GRIN2B: variants seen among roughly 807,000 people sequenced by gnomAD.
The protein encoded by GRIN2B is glutamate ionotropic receptor NMDA type subunit 2B, also known as glutamate receptor ionotropic, NMDA 2B.
GRIN2B carries 5 observed loss-of-function variants against 114.5 expected under a neutral mutation model. The ratio of observed to expected loss-of-function variants is 0.04; its 90% confidence interval spans 0.02 to 0.09. The LOEUF (loss-of-function observed/expected upper bound fraction) is 0.09. Ranked by LOEUF, GRIN2B falls within the 10% of genes least tolerant of loss-of-function variation. The pLI is 1.00. For synonymous variants in GRIN2B, 787 were observed against 745.1 expected (o/e 1.06, Z -0.92); for missense variants, 1,108 against 1,943.5 (o/e 0.57, Z 8.08).
intron 5 of GRIN2B, among the ~76,000 whole-genome samples, chr12:13,652,231 G>A (rs1024786480): frequency 6.6e-6 from 1 of 151,546 alleles, no homozygotes; most frequent in African/African-American, 2.4e-5. Flanking sequence ...TCCTTCTCTG[G>A]CAAGCTTTTC....
chr12:13,721,987 C>T (rs1862892318), intron 4 of GRIN2B, among the ~76,000 whole-genome samples: 1 of 152,084 alleles, frequency 6.6e-6, no homozygotes, highest in Admixed American at 6.6e-5. Context: ...AGGAATCTGT[C>T]ATTTCATCGA....
chr12:13,975,463 G>A (rs1413856119), intron 2 of GRIN2B, among the ~76,000 whole-genome samples: 1 of 152,184 alleles, frequency 6.6e-6, no homozygotes, highest in African/African-American at 2.4e-5. Flanking sequence ...ACAACCTTAG[G>A]AAAATCACTT....
In GRIN2B at chr12:13,576,144, G is replaced by GT. The variant is rs3216539; in HGVS notation, c.2011-4181dup. On this transcript the variant is annotated intron_variant, in intron 10 of 13. Transcript: ENST00000609686. ...GTCCCAGCCTGGTGAGATCTGTGAA[G>GT]TTTACATAAAACAGAGATTTTTTAT... 1.8e-4 allele frequency among the ~76,000 whole-genome samples: 28 copies of GT among 152,196 alleles called. No homozygotes were observed. The East Asian group carries it at 5.0e-3, about 27-fold the overall frequency.
chr12:13,583,540 GGAATCCAGTGCCT>G (rs1948879765), intron 10 of GRIN2B, among the ~76,000 whole-genome samples: 1 of 152,140 alleles, frequency 6.6e-6, no homozygotes, highest in Non-Finnish European at 1.5e-5. Flanking sequence ...TACAGATTAA[GGAATCCAGTGCCT>G]GAATTAGTAT....
chr12:13,743,382 G>C (rs1043253034), intron 4 of GRIN2B, among the ~76,000 whole-genome samples: 1 of 152,170 alleles, frequency 6.6e-6, no homozygotes, highest in African/African-American at 2.4e-5. Context: ...ACGTGTGACA[G>C]AAGTGAGGAC....
At chr12:13,968,057 A>G (rs1421948880) in intron 2 of GRIN2B, among the ~76,000 whole-genome samples, 1 of 152,252 alleles carries the variant, frequency 6.6e-6, no homozygotes, top group East Asian at 1.9e-4. Flanking sequence ...TAGTTTTCTC[A>G]ATAAAATACT....
intron 13 of GRIN2B, among the ~76,000 whole-genome samples, chr12:13,566,793 A>G (rs1405136817): frequency 6.6e-6 from 1 of 152,238 alleles, no homozygotes; most frequent in African/African-American, 2.4e-5. Context: ...CAGAGAACCA[A>G]CTGCCCAAAT....
chr12:13,637,327 C>T (rs980301632), intron 5 of GRIN2B, among the ~76,000 whole-genome samples: 3 of 152,074 alleles, frequency 2.0e-5, no homozygotes, highest in Admixed American at 2.0e-4. Context: ...AAGGATGAAC[C>T]TCCATTGGTT....
chr12:13,681,056 C>T (rs1950127048), intron 4 of GRIN2B, among the ~76,000 whole-genome samples: 1 of 152,074 alleles, frequency 6.6e-6, no homozygotes, highest in South Asian at 2.1e-4. Context: ...TCATCTACTG[C>T]ACCACGTTGA....
intron 5 of GRIN2B, among the ~76,000 whole-genome samples, chr12:13,632,228 T>C (rs540114180): frequency 1.3e-5 from 2 of 152,220 alleles, no homozygotes; most frequent in Admixed American, 6.5e-5. Context: ...AGTTCACATC[T>C]GTACCAAGAT....
intron 3 of GRIN2B, among the ~76,000 whole-genome samples, chr12:13,805,220 G>A (rs1864580563): frequency 2.0e-5 from 3 of 152,270 alleles, no homozygotes; most frequent in Middle Eastern, 3.4e-3. Context: ...GCAGAAAGGT[G>A]CAATGACTCA....
At chr12:13,893,669 T>C (rs1218684948) in intron 2 of GRIN2B, among the ~76,000 whole-genome samples, 1 of 152,076 alleles carries the variant, frequency 6.6e-6, no homozygotes, top group African/African-American at 2.4e-5. Flanking sequence ...AAGCTAAACA[T>C]AAAACTCAAA....
chr12:13,732,920 A>G (rs1157262858), intron 4 of GRIN2B, among the ~76,000 whole-genome samples: 2 of 152,230 alleles, frequency 1.3e-5, no homozygotes, highest in Non-Finnish European at 2.9e-5. Context: ...TGAGCTCATT[A>G]AAGTGCTAAG....
At chr12:13,722,826 AG>A (rs1277380118) in intron 4 of GRIN2B, among the ~76,000 whole-genome samples, 2 of 152,140 alleles carry the variant, frequency 1.3e-5, no homozygotes, top group Non-Finnish European at 2.9e-5. Context: ...CTTCCAGACA[AG>A]CAAGAAATGA....
chr12:13,822,942 C>A (rs1173136130), intron 3 of GRIN2B, among the ~76,000 whole-genome samples: 1 of 151,984 alleles, frequency 6.6e-6, no homozygotes, highest in African/African-American at 2.4e-5. Flanking sequence ...TATTGAAAAG[C>A]CTTCTTTTTC....
intron 3 of GRIN2B, among the ~76,000 whole-genome samples, chr12:13,756,098 A>T (rs1863570704): frequency 6.6e-6 from 1 of 152,038 alleles, no homozygotes; most frequent in South Asian, 2.1e-4. Flanking sequence ...GCTCACTGCA[A>T]CCTCCACCTC....
At position 13,811,973 on chromosome 12, in the gene GRIN2B, A is replaced by G. The variant is rs1017604449; in HGVS notation, c.411+53825T>C. Among the ~76,000 whole-genome samples the G allele has an allele frequency of 1.8e-4, 27 of 152,342 alleles. No individual in the cohort carries two copies. In the South Asian group the frequency reaches 2.1e-3, roughly 12 times the overall value. On this transcript the variant is annotated intron_variant, in intron 3 of 13. Transcript: ENST00000609686. ...ACTGCATGCAGCATTTCGTAAGTGGATACTTTTCCAGAAAAGGGGTCTATA... is the reference window on the plus strand; with the variant it reads ...ACTGCATGCAGCATTTCGTAAGTGGGTACTTTTCCAGAAAAGGGGTCTATA...
chr12:13,841,874 TA>T (rs564455659), intron 3 of GRIN2B, among the ~76,000 whole-genome samples: 9 of 152,146 alleles, frequency 5.9e-5, no homozygotes, highest in African/African-American at 1.2e-4. Flanking sequence ...TTTGTTTTTT[TA>T]AAAAAAATAT....
chr12:13,879,060 AT>A (rs1342885738), intron 2 of GRIN2B, among the ~76,000 whole-genome samples: 2 of 152,186 alleles, frequency 1.3e-5, no homozygotes, highest in East Asian at 3.8e-4. Context: ...TTTAGAATCA[AT>A]TTTTACTGAC....
Sources: allele counts gnomAD v4.1 joint callset (sites outside exome capture counted in the v4.1 genomes callset), GRCh38; gene constraint gnomAD v4.1.1; transcripts MANE v1.5; gene names NCBI Gene and HGNC (gene_info 2026-07-23, HGNC 2026-07-21).